The following IPO13 variants were observed in gnomAD, a reference collection of about 807,000 sequenced individuals.
IPO13 encodes the protein importin 13.
IPO13 carries 28 observed loss-of-function variants against 115.5 expected under a neutral mutation model. The ratio of observed to expected loss-of-function variants is 0.24; its 90% confidence interval spans 0.18 to 0.33. The LOEUF (loss-of-function observed/expected upper bound fraction) is 0.33. Among genes scored for constraint, IPO13 ranks in the 10% least tolerant of loss-of-function variants. IPO13 has a pLI of 1.00. For missense variants in IPO13, 785 were observed against 1,204.6 expected (o/e 0.65, Z 5.16); for synonymous variants, 414 against 478.9 (o/e 0.86, Z 1.77).
At position 43,967,169 on chromosome 1, in the gene IPO13, G is replaced by A. The variant is rs774255670; in HGVS notation, c.2614-146G>A. On this transcript the variant is annotated intron_variant, in intron 18 of 19. Coordinates refer to ENST00000372343, the MANE Select transcript of IPO13 (RefSeq NM_014652.4). The surrounding 1 kb of genome is among the most constrained non-coding windows in gnomAD (Gnocchi z 6.1). The stretch of plus-strand genomic sequence containing the variant: ...ATGCCTGAAAGTTGTTAGGATTGCT[G>A]TGGGGATCAGCTGGCTCTCAAAAAG... The A allele has an allele frequency of 2.5e-5, 27 of 1,096,616 alleles. No individual in the cohort carries two copies. The highest frequency in any genetic ancestry group is 3.6e-5 in the Non-Finnish European group (26 of 731,912). 67.9% of individuals were successfully genotyped at this position (1,096,616 alleles called of 1,614,324 possible).
chr1:43,967,946 G>C lies in IPO13; in HGVS notation c.*264G>C. The C allele has an allele frequency of 3.6e-6, 2 of 559,160 alleles. No homozygotes were observed. Among genetic ancestry groups the C allele is most frequent in the Non-Finnish European group, 6.4e-6 (2 of 312,008 alleles). 34.6% of individuals were successfully genotyped at this position (559,160 alleles called of 1,614,324 possible). A position where few individuals can be genotyped will look rare whatever the true frequency, so the allele number is the denominator to read the frequency against. ...CTAGGCTGGAGCCCTTCAGAATACT[G>C]TCATTGTCCTTGGGGCGGGGTGGTT... On this transcript the variant is annotated 3_prime_UTR_variant, in exon 20 of 20. Transcript: ENST00000372343. The surrounding 1 kb of genome is among the most constrained non-coding windows in gnomAD (Gnocchi z 6.1).
In IPO13 at chr1:43,947,480, G is replaced by C. The variant is rs1341731918; in HGVS notation, c.-121G>C. On this transcript the variant is annotated 5_prime_UTR_variant, in exon 1 of 20. Coordinates refer to ENST00000372343, the MANE Select transcript of IPO13 (RefSeq NM_014652.4). ...GCCTCGGCAGCCATGCCCGCCCTGG[G>C]CCCCCCCTCACCCCACCACTCCCTG... 3.9e-6 allele frequency: 2 copies of C among 516,462 alleles called. No homozygotes were observed. Among genetic ancestry groups the C allele is most frequent in the Admixed American group, 4.4e-5 (1 of 22,850 alleles). The allele number at this position is 516,462 out of a possible 1,614,324, so 32.0% of individuals were successfully genotyped here. A position where few individuals can be genotyped will look rare whatever the true frequency, so the allele number is the denominator to read the frequency against.
rs760723284 is a variant in IPO13, at chr1:43,952,342, G to A, written c.821+2189G>A. ...GCATCACCACGCCCAGCTAATTTTT[G>A]TATTTTTAGTAGAAACGGGGTTTTG... is the stretch of plus-strand genomic sequence containing the variant. On this transcript the variant is annotated intron_variant, in intron 2 of 19. Transcript: ENST00000372343. The surrounding 1 kb of genome is among the most constrained non-coding windows in gnomAD (Gnocchi z 4.7). Among the ~76,000 whole-genome samples, 11 of 152,098 alleles carry A rather than the reference G, an allele frequency of 7.2e-5. No individual in the cohort carries two copies. Among genetic ancestry groups the A allele is most frequent in the Non-Finnish European group, 1.3e-4 (9 of 68,016 alleles).
In IPO13 at chr1:43,947,562, C is replaced by G. The variant is rs2085175980; in HGVS notation, c.-39C>G. On this transcript the variant is annotated 5_prime_UTR_variant, in exon 1 of 20. Transcript: ENST00000372343. The stretch of plus-strand genomic sequence containing the variant: ...GCAGCCAAGGGGCTGGGGCAGGAGA[C>G]AGATCAGGGCCCACCTCCCTGCCAG... The G allele has an allele frequency of 1.7e-6, 2 of 1,164,548 alleles. No individual in the cohort carries two copies. Among genetic ancestry groups the G allele is most frequent in the Middle Eastern group, 2.3e-4 (1 of 4,282 alleles). 72.1% of individuals were successfully genotyped at this position (1,164,548 alleles called of 1,614,324 possible). A position where few individuals can be genotyped will look rare whatever the true frequency, so the allele number is the denominator to read the frequency against.
At chr1:43,947,739 G>C (rs1304278903) in intron 1 of IPO13, 55 bp downstream of exon 1, 3 of 1,027,556 alleles carry the variant, frequency 2.9e-6, no homozygotes, top group Non-Finnish European at 3.8e-6. Flanking sequence ...TCTGGGGACT[G>C]TCACTGATGG....
In IPO13 at chr1:43,947,654, CT is replaced by C; in HGVS notation, c.56del (p.Leu19TrpfsTer31). On this transcript the variant is annotated frameshift_variant, in exon 1 of 20. Transcript: ENST00000372343. LOFTEE classifies it high-confidence loss of function. ...GAAGAGAAPA[L>X]DFTVENVEKA... The stretch of plus-strand genomic sequence containing the variant: ...CTGCAGGGGCTGGAGCAGCACCAGC[CT>C]TGGACTTCACTGTGGAGAACGTGGA... 7.5e-7 allele frequency: 1 copy of C among 1,333,484 alleles called. No homozygotes were observed. Among genetic ancestry groups the C allele is most frequent in the South Asian group, 2.1e-5 (1 of 47,496 alleles). The allele number at this position is 1,333,484 out of a possible 1,614,324, so 82.6% of individuals were successfully genotyped here. A position where few individuals can be genotyped will look rare whatever the true frequency, so the allele number is the denominator to read the frequency against.
intron 14 of IPO13, 139 bp downstream of exon 14, chr1:43,961,401 C>T: frequency 1.3e-6 from 1 of 748,004 alleles, no homozygotes. Context: ...CCTGTGAGAT[C>T]AAGCACAACA....
At chr1:43,964,208 T>C (rs1052936594) in intron 14 of IPO13, 61 bp from the exon 15 acceptor site, 14 of 1,151,508 alleles carry the variant, frequency 1.2e-5, no homozygotes, top group East Asian at 2.3e-5. Flanking sequence ...CACATAACTA[T>C]ATGAGGTTGA....
chr1:43,950,016 C>A lies in IPO13; in HGVS notation c.684C>A (p.Ser228Arg). 1 of 1,613,416 alleles carries A rather than the reference C, an allele frequency of 6.2e-7. No individual in the cohort carries two copies. ...VRQKVLKCFS[S>R]WVQLEVPLQD... ...AGAAGGTGCTCAAGTGTTTCTCCAG[C>A]TGGGTGCAGCTGGAGGTGCCGCTGC... The change falls in exon 2 of 20, where the codon AGC (serine) becomes AGA (arginine). Residue 228 changes from serine to arginine, a missense_variant. Transcript: ENST00000372343.
At chr1:43,961,327 G>A in intron 14 of IPO13, 65 bp downstream of exon 14, 1 of 1,298,930 alleles carries the variant, frequency 7.7e-7, no homozygotes, top group South Asian at 1.2e-5. Flanking sequence ...CCCAAATGGG[G>A]AGCCAAAGCT....
chr1:43,950,442 A>T (rs1351378241), intron 2 of IPO13, among the ~76,000 whole-genome samples: 1 of 151,938 alleles, frequency 6.6e-6, no homozygotes, highest in East Asian at 1.9e-4. Context: ...TTGCAAATCT[A>T]TTTTTTTCCA....
Position 43,967,169 on chromosome 1 carries a change from G to C in IPO13, c.2614-146G>C. The C allele has an allele frequency of 9.1e-7, 1 of 1,096,736 alleles. No individual in the cohort carries two copies. The highest frequency in any genetic ancestry group is 1.4e-5 in the South Asian group (1 of 72,316). The allele number at this position is 1,096,736 out of a possible 1,614,324, so 67.9% of individuals were successfully genotyped here. On this transcript the variant is annotated intron_variant, in intron 18 of 19. Coordinates refer to ENST00000372343, the MANE Select transcript of IPO13 (RefSeq NM_014652.4). This position sits in a 1 kb window ranked among gnomAD's most constrained non-coding sequence, Gnocchi z 6.1. The stretch of plus-strand genomic sequence containing the variant: ...ATGCCTGAAAGTTGTTAGGATTGCT[G>C]TGGGGATCAGCTGGCTCTCAAAAAG...
At position 43,961,186 on chromosome 1, in the gene IPO13, T is replaced by C; in HGVS notation, c.2268T>C (p.His756=). The C allele has an allele frequency of 3.7e-6, 6 of 1,614,188 alleles. No homozygotes were observed. Among genetic ancestry groups the C allele is most frequent in the Non-Finnish European group, 5.1e-6 (6 of 1,179,996 alleles). The change falls in exon 14 of 20, where the codon CAT becomes CAC. Residue 756 remains histidine, a synonymous_variant. Transcript: ENST00000372343. ...CGTAGCTGGTCCACATCTTTGCTCA[T>C]GAGCCTGCCCACTTTCCCCCAATTG... ...LTRQLVHIFA[H]EPAHFPPIEA...
At chr1:43,959,100 T>G (rs563075544) in intron 11 of IPO13, among the ~76,000 whole-genome samples, 3 of 152,350 alleles carry the variant, frequency 2.0e-5, no homozygotes, top group African/African-American at 7.2e-5. Context: ...CTCACTCAGC[T>G]CTGTGTGTGA....
chr1:43,952,385 G>A lies in IPO13; in HGVS notation c.821+2232G>A, dbSNP rs747279803. On this transcript the variant is annotated intron_variant, in intron 2 of 19. Coordinates refer to ENST00000372343, the MANE Select transcript of IPO13 (RefSeq NM_014652.4). The surrounding 1 kb of genome is among the most constrained non-coding windows in gnomAD (Gnocchi z 4.7). ...GGGTTTTGCCATGTTGGTCAGGCTG[G>A]TCTTGAACTCCTAACCTCAGGTGAT... 2.2e-4 allele frequency among the ~76,000 whole-genome samples: 34 copies of A among 152,312 alleles called. No homozygotes were observed. Among genetic ancestry groups the A allele is most frequent in the Non-Finnish European group, 2.2e-4 (15 of 68,034 alleles).
In IPO13 at chr1:43,961,269, C is replaced by CCT. The variant is rs752336623; in HGVS notation, c.2344+8_2344+9dup. The CCT allele has an allele frequency of 1.2e-6, 2 of 1,607,400 alleles. No homozygotes were observed. The highest frequency in any genetic ancestry group is 1.1e-5 in the South Asian group (1 of 90,954). On this transcript the variant is annotated splice_region_variant and intron_variant, in intron 14 of 19. Transcript: ENST00000372343. Reference sequence around the variant, plus strand: ...CTCACTCTCTTCCAGCAAGGTAGGTCCTGACCGGGGTCTCTGCTGCTGCTG... The same window carrying CCT: ...CTCACTCTCTTCCAGCAAGGTAGGTCCTCTGACCGGGGTCTCTGCTGCTGCTG...
At chr1:43,961,792 C>T (rs1312236263) in intron 14 of IPO13, among the ~76,000 whole-genome samples, 12 of 152,188 alleles carry the variant, frequency 7.9e-5, no homozygotes, top group Admixed American at 7.2e-4. Context: ...GGCTCAGGGG[C>T]TTTTGCACAG....
intron 14 of IPO13, 82 bp from the exon 15 acceptor site, chr1:43,964,187 G>A (rs1401151498): frequency 3.3e-6 from 3 of 909,728 alleles, no homozygotes; most frequent in Non-Finnish European, 5.4e-6. Context: ...CTCCCTGCAG[G>A]CTCTCAGTCC....
intron 5 of IPO13, 93 bp downstream of exon 5, chr1:43,957,069 G>A: frequency 6.4e-7 from 1 of 1,564,292 alleles, no homozygotes; most frequent in Non-Finnish European, 8.7e-7. Context: ...CTGAATTTTG[G>A]TGCTCCTTTC....
Sources: gnomAD v4.1 joint callset for allele counts (sites outside exome capture counted in the v4.1 genomes callset) on GRCh38, gnomAD v4.1.1 for gene constraint, Gnocchi (gnomAD v3.1) non-coding constraint, MANE v1.5 for transcripts, NCBI Gene and HGNC (gene_info 2026-07-23, HGNC 2026-07-21) for gene names.